OMA1: variants seen among roughly 807,000 people sequenced by gnomAD.
OMA1 encodes metalloendopeptidase OMA1, mitochondrial.
A neutral mutation model predicts 30.9 loss-of-function variants in OMA1; 38 were observed. That is an observed-to-expected ratio of 1.23 (90% CI 0.95 to 1.61). The LOEUF (loss-of-function observed/expected upper bound fraction) is 1.61, where lower values mean the gene tolerates loss of function less well. OMA1 is among the 40% of genes most tolerant of loss of function. The pLI is 0.00. For missense variants in OMA1, 461 were observed against 349.2 expected (o/e 1.32, Z -2.55); for synonymous variants, 173 against 121.9 (o/e 1.42, Z -2.76).
intron 2 of OMA1, 50 bp downstream of exon 2, chr1:58,538,745 T>G: frequency 1.4e-6 from 1 of 708,992 alleles, no homozygotes; most frequent in Non-Finnish European, 2.4e-6. Context: ...GCACAAAATA[T>G]TAATGCAAAA....
In OMA1 at chr1:58,536,502, T is replaced by C; in HGVS notation, c.729+11A>G. ...TAAGCAGTCTAATTAAAAACAACTC[T>C]TACTACTTACTGCTTCATATTCCAG... On this transcript the variant is annotated intron_variant, in intron 3 of 8. Coordinates refer to ENST00000371226, the MANE Select transcript of OMA1 (RefSeq NM_145243.5). The C allele has an allele frequency of 1.2e-6, 1 of 864,914 alleles. No homozygotes were observed. Among genetic ancestry groups the C allele is most frequent in the Non-Finnish European group, 2.0e-6 (1 of 495,492 alleles). 53.6% of individuals were successfully genotyped at this position (864,914 alleles called of 1,614,324 possible).
At chr1:58,490,214 T>G (rs1004020434) in intron 8 of OMA1, among the ~76,000 whole-genome samples, 9 of 152,088 alleles carry the variant, frequency 5.9e-5, no homozygotes, top group Non-Finnish European at 1.0e-4. Flanking sequence ...GACGAATGAC[T>G]AACTAGAATA....
At chr1:58,507,228 G>A (rs561577192) in intron 7 of OMA1, among the ~76,000 whole-genome samples, 1 of 151,166 alleles carries the variant, frequency 6.6e-6, no homozygotes, top group Non-Finnish European at 1.5e-5. Flanking sequence ...TAAGTAACTG[G>A]AAAACAAGTG....
intron 8 of OMA1, among the ~76,000 whole-genome samples, chr1:58,489,055 G>C (rs953534859): frequency 8.5e-5 from 13 of 152,220 alleles, no homozygotes; most frequent in African/African-American, 2.9e-4. Context: ...TCCAACTGAG[G>C]TACTGGGTGC....
intron 8 of OMA1, among the ~76,000 whole-genome samples, chr1:58,492,957 C>G (rs963169704): frequency 2.6e-5 from 4 of 151,892 alleles, no homozygotes; most frequent in African/African-American, 9.7e-5. Context: ...GGCAGAGACA[C>G]AACAAAAAAA....
intron 8 of OMA1, among the ~76,000 whole-genome samples, chr1:58,504,719 G>C (rs1645959756): frequency 6.6e-6 from 1 of 152,138 alleles, no homozygotes; most frequent in Non-Finnish European, 1.5e-5. Context: ...TTGCACTAGA[G>C]TTTCTTATCC....
chr1:58,489,990 G>A (rs1645650306), intron 8 of OMA1, among the ~76,000 whole-genome samples: 2 of 152,158 alleles, frequency 1.3e-5, no homozygotes, highest in Non-Finnish European at 1.5e-5. Context: ...TAAAGATGGG[G>A]AAAAAACAGA....
At chr1:58,527,176 T>C in intron 7 of OMA1, 85 bp downstream of exon 7, 1 of 792,632 alleles carries the variant, frequency 1.3e-6, no homozygotes, top group South Asian at 1.4e-5. Context: ...CATTCTCTGC[T>C]TATGCCAAGC....
intron 7 of OMA1, among the ~76,000 whole-genome samples, chr1:58,514,676 CA>C (rs1389274921): frequency 4.6e-5 from 7 of 152,112 alleles, no homozygotes; most frequent in Non-Finnish European, 8.8e-5. Flanking sequence ...AGGATTGTGG[CA>C]GGGGGAGCTG....
intron 7 of OMA1, among the ~76,000 whole-genome samples, chr1:58,514,633 T>G (rs17117624): frequency 0.011 from 1,698 of 152,242 alleles, 28 homozygotes; most frequent in African/African-American, 0.038. Flanking sequence ...AGACATGTGA[T>G]AGGTAAAATA....
chr1:58,480,938 T>C lies in OMA1; in HGVS notation c.*27A>G, dbSNP rs376122252. On this transcript the variant is annotated 3_prime_UTR_variant, in exon 9 of 9. Coordinates refer to ENST00000371226, the MANE Select transcript of OMA1 (RefSeq NM_145243.5). ...ATGATAAGGACTGCAACATTCTTCA[T>C]ATATCTTGTGTCTCATAAATTTTAA... The C allele has an allele frequency of 2.6e-5, 22 of 842,754 alleles. No individual in the cohort carries two copies. Among genetic ancestry groups the C allele is most frequent in the Non-Finnish European group, 4.1e-5 (20 of 488,368 alleles). The allele number at this position is 842,754 out of a possible 1,614,324, so 52.2% of individuals were successfully genotyped here. A position where few individuals can be genotyped will look rare whatever the true frequency, so the allele number is the denominator to read the frequency against.
intron 2 of OMA1, among the ~76,000 whole-genome samples, chr1:58,537,740 C>T (rs376933067): frequency 6.6e-6 from 1 of 152,158 alleles, no homozygotes; most frequent in East Asian, 1.9e-4. Context: ...TGCCTTTACA[C>T]AAAGTGTGTC....
intron 8 of OMA1, among the ~76,000 whole-genome samples, chr1:58,485,056 G>T (rs1645550841): frequency 6.6e-6 from 1 of 151,958 alleles, no homozygotes; most frequent in African/African-American, 2.4e-5. Flanking sequence ...GGGTGATAAT[G>T]ATGGGTCAAC....
At chr1:58,530,504 A>C in intron 6 of OMA1, 97 bp downstream of exon 6, 1 of 698,064 alleles carries the variant, frequency 1.4e-6, no homozygotes, top group Non-Finnish European at 2.5e-6. Flanking sequence ...ATTTCATAGT[A>C]AAATGTAAAA....
intron 8 of OMA1, among the ~76,000 whole-genome samples, chr1:58,483,812 C>T (rs1414636753): frequency 2.6e-5 from 4 of 152,198 alleles, no homozygotes; most frequent in Non-Finnish European, 5.9e-5. Flanking sequence ...TTGGGACGTA[C>T]GGTCACTCTT....
chr1:58,539,951 A>G lies in OMA1; in HGVS notation c.-16-641T>C, dbSNP rs561201013. 3.3e-4 allele frequency among the ~76,000 whole-genome samples: 51 copies of G among 152,308 alleles called. No individual in the cohort carries two copies. The Middle Eastern group carries it at 0.01, about 30-fold the overall frequency. ...AAGAGCTGCACAGAGAAATAACTCT[A>G]GAGTTCTGCAGAGAATCCCCCTCCC... On this transcript the variant is annotated intron_variant, in intron 1 of 8. Transcript: ENST00000371226.
At chr1:58,504,472 C>T (rs910370070) in intron 8 of OMA1, among the ~76,000 whole-genome samples, 2 of 152,170 alleles carry the variant, frequency 1.3e-5, no homozygotes, top group Non-Finnish European at 2.9e-5. Flanking sequence ...ACTAGTACCC[C>T]TTCTCTGCTG....
At chr1:58,536,454 C>T in intron 3 of OMA1, 59 bp downstream of exon 3, 1 of 746,640 alleles carries the variant, frequency 1.3e-6, no homozygotes, top group East Asian at 2.5e-5. Flanking sequence ...ATTTAAGATA[C>T]TTTCCTACTT....
chr1:58,539,418 A>G (rs1299735274), intron 1 of OMA1, 108 bp from the exon 2 acceptor site: 2 of 627,606 alleles, frequency 3.2e-6, no homozygotes, highest in Non-Finnish European at 5.5e-6. Flanking sequence ...AACACATCTC[A>G]GGCTAAATTA....
Sources: gnomAD v4.1 joint callset for allele counts (sites outside exome capture counted in the v4.1 genomes callset) on GRCh38, gnomAD v4.1.1 for gene constraint, MANE v1.5 for transcripts, NCBI Gene and HGNC (gene_info 2026-07-23, HGNC 2026-07-21) for gene names.